The following TAS2R1 variants were observed in gnomAD, a reference collection of about 807,000 sequenced individuals.
TAS2R1 encodes taste receptor type 2 member 1.
For synonymous variants in TAS2R1, 141 were observed against 134.2 expected (o/e 1.05, Z -0.35); for missense variants, 370 against 353.4 (o/e 1.05, Z -0.38).
chr5:9,723,979 T>C, the TAS2R1 span, among the ~76,000 whole-genome samples: 1 of 152,370 alleles, frequency 6.6e-6, no homozygotes, highest in East Asian at 1.9e-4. Flanking sequence ...CTGTGGAAGA[T>C]GGAGCCATCT....
At chr5:9,794,711 T>C in the TAS2R1 span, among the ~76,000 whole-genome samples, 1 of 152,212 alleles carries the variant, frequency 6.6e-6, no homozygotes, top group African/African-American at 2.4e-5. Flanking sequence ...ATATACCTCA[T>C]ACGAATTCAG....
the TAS2R1 span, among the ~76,000 whole-genome samples, chr5:9,769,134 T>G: frequency 0.18 from 27,101 of 152,192 alleles, 3,157 homozygotes; most frequent in Middle Eastern, 0.32. Context: ...CTTCAGTTGT[T>G]TTAATTTTTA....
chr5:9,818,099 TCTC>T, the TAS2R1 span, among the ~76,000 whole-genome samples: 1 of 152,084 alleles, frequency 6.6e-6, no homozygotes, highest in Non-Finnish European at 1.5e-5. Context: ...ATAATCACTG[TCTC>T]CTCCTTGCCA....
the TAS2R1 span, among the ~76,000 whole-genome samples, chr5:9,896,002 G>C: frequency 0.4 from 60,219 of 152,076 alleles, 12,662 homozygotes; most frequent in Middle Eastern, 0.57. Flanking sequence ...AAATTTCTAT[G>C]ATGAATGTTA....
chr5:9,826,086 AATTACATTTAACATTTAC>A, the TAS2R1 span, among the ~76,000 whole-genome samples: 243 of 152,336 alleles, frequency 1.6e-3, no homozygotes, highest in Middle Eastern at 6.8e-3. Context: ...ATTTACATTT[AATTACATTTAACATTTAC>A]ATTACATTTA....
At chr5:9,888,233 C>T in the TAS2R1 span, among the ~76,000 whole-genome samples, 11 of 152,246 alleles carry the variant, frequency 7.2e-5, no homozygotes, top group Admixed American at 1.3e-4. Flanking sequence ...AGCCCTCTCA[C>T]GGGAGCTGCC....
chr5:9,723,267 C>T, the TAS2R1 span, among the ~76,000 whole-genome samples: 1 of 152,162 alleles, frequency 6.6e-6, no homozygotes, highest in Non-Finnish European at 1.5e-5. Flanking sequence ...CAGCCAAGGT[C>T]TATAGCTAAG....
At chr5:9,768,911 T>C in the TAS2R1 span, among the ~76,000 whole-genome samples, 1 of 152,216 alleles carries the variant, frequency 6.6e-6, no homozygotes. Context: ...ATCTTTTCTT[T>C]GTATTACAAA....
the TAS2R1 span, among the ~76,000 whole-genome samples, chr5:9,850,404 A>G: frequency 6.6e-6 from 1 of 152,260 alleles, no homozygotes; most frequent in Non-Finnish European, 1.5e-5. Context: ...AGTGATGGTA[A>G]AACTGGCTTG....
the TAS2R1 span, among the ~76,000 whole-genome samples, chr5:9,740,436 GAAAT>G: frequency 1.3e-5 from 2 of 152,160 alleles, no homozygotes; most frequent in African/African-American, 4.8e-5. Flanking sequence ...AGTTTTCAAT[GAAAT>G]GAATAAAAGG....
the TAS2R1 span, among the ~76,000 whole-genome samples, chr5:9,757,803 A>T: frequency 6.6e-6 from 1 of 152,192 alleles, no homozygotes; most frequent in Non-Finnish European, 1.5e-5. Flanking sequence ...AAATGATTCA[A>T]TTTAGTTGAA....
chr5:9,686,496 A>G (rs1741126667), intron 1 of TAS2R1, among the ~76,000 whole-genome samples: 1 of 152,172 alleles, frequency 6.6e-6, no homozygotes, highest in African/African-American at 2.4e-5. Flanking sequence ...TTGCTCTGTC[A>G]TGTAATTAAT....
chr5:9,770,928 T>G, the TAS2R1 span, among the ~76,000 whole-genome samples: 1 of 152,220 alleles, frequency 6.6e-6, no homozygotes, highest in Non-Finnish European at 1.5e-5. Flanking sequence ...CTTCTAGTAC[T>G]ATGTGGAATA....
At chr5:9,793,957 G>A in the TAS2R1 span, among the ~76,000 whole-genome samples, 1 of 152,270 alleles carries the variant, frequency 6.6e-6, no homozygotes, top group Non-Finnish European at 1.5e-5. Flanking sequence ...TTGTACTCAG[G>A]AAGATACAGA....
At chr5:9,898,860 C>T in the TAS2R1 span, among the ~76,000 whole-genome samples, 1 of 152,218 alleles carries the variant, frequency 6.6e-6, no homozygotes, top group African/African-American at 2.4e-5. Flanking sequence ...CGATCATGCG[C>T]ACCACCCATT....
the TAS2R1 span, among the ~76,000 whole-genome samples, chr5:9,753,359 A>G: frequency 9.2e-5 from 14 of 152,274 alleles, no homozygotes; most frequent in Non-Finnish European, 1.3e-4. Context: ...TTTGAGAAGC[A>G]TCTGTTCATA....
chr5:9,882,532 A>G, the TAS2R1 span, among the ~76,000 whole-genome samples: 1 of 152,330 alleles, frequency 6.6e-6, no homozygotes, highest in African/African-American at 2.4e-5. Flanking sequence ...AACCTGAGGC[A>G]CGAGAATTGC....
At chr5:9,637,523 T>C (rs1739986116) in intron 2 of TAS2R1, among the ~76,000 whole-genome samples, 2 of 152,192 alleles carry the variant, frequency 1.3e-5, no homozygotes, top group African/African-American at 4.8e-5. Flanking sequence ...CAAACAATTT[T>C]CCAAACTTTC....
At chr5:9,750,837 G>T in the TAS2R1 span, among the ~76,000 whole-genome samples, 1 of 152,074 alleles carries the variant, frequency 6.6e-6, no homozygotes, top group Non-Finnish European at 1.5e-5. Flanking sequence ...AAGCAGGGCA[G>T]TCACAGACTT....
Sources: allele counts gnomAD v4.1 joint callset (sites outside exome capture counted in the v4.1 genomes callset), GRCh38; gene constraint gnomAD v4.1.1; transcripts MANE v1.5; gene names NCBI Gene and HGNC (gene_info 2026-07-23, HGNC 2026-07-21).